The following MMEL1 variants were observed in gnomAD, a reference collection of about 807,000 sequenced individuals.
MMEL1 encodes the protein membrane metalloendopeptidase like 1.
A neutral mutation model predicts 117.1 loss-of-function variants in MMEL1; 98 were observed. The ratio of observed to expected loss-of-function variants is 0.84; its 90% confidence interval spans 0.71 to 0.99. The LOEUF is 0.99. Among genes scored for constraint, MMEL1 ranks in the 50% least tolerant of loss-of-function variants. The pLI, the probability that MMEL1 is intolerant of heterozygous loss-of-function variation, is 0.00. For synonymous variants in MMEL1, 390 were observed against 415.1 expected (o/e 0.94, Z 0.74); for missense variants, 1,014 against 1,049.1 (o/e 0.97, Z 0.46).
chr1:2,624,252 G>C (rs1645335223), intron 2 of MMEL1, among the ~76,000 whole-genome samples: 1 of 152,186 alleles, frequency 6.6e-6, no homozygotes, highest in South Asian at 2.1e-4. Context: ...GAAGGCCAAG[G>C]CTGGAGCAGG....
chr1:2,609,991 C>T (rs899421061), intron 4 of MMEL1, among the ~76,000 whole-genome samples, 160 bp from the exon 5 acceptor site: 2 of 152,176 alleles, frequency 1.3e-5, no homozygotes, highest in African/African-American at 4.8e-5. Flanking sequence ...TAACCACCCT[C>T]TCTGAGCTGC....
chr1:2,631,153 T>A (rs1006809339), intron 1 of MMEL1, among the ~76,000 whole-genome samples: 9 of 152,334 alleles, frequency 5.9e-5, no homozygotes, highest in African/African-American at 1.9e-4. Context: ...CTCGGAGCCC[T>A]GCTGGGAAGT....
rs1199544160 is a variant in MMEL1, at chr1:2,596,051, C to T, written c.1458G>A (p.Leu486=). 1 of 1,613,914 alleles carries T rather than the reference C, an allele frequency of 6.2e-7. No individual in the cohort carries two copies. Among genetic ancestry groups the T allele is most frequent in the Non-Finnish European group, 8.5e-7 (1 of 1,179,960 alleles). Reference sequence around the variant, plus strand: ...TCTTGGACTCCTCGTCCATCCAGCCCAGCTCGTCCAGCGTCTCCACAAACA... The same window carrying T: ...TCTTGGACTCCTCGTCCATCCAGCCTAGCTCGTCCAGCGTCTCCACAAACA... ...RTVFVETLDE[L]GWMDEESKKK... is the part of the protein sequence containing the mutation. Residue 486 remains leucine, a synonymous_variant, in exon 15 of 24, where the codon CTG becomes CTA. Transcript: ENST00000378412.
At chr1:2,606,090 C>T (rs1317332398) in intron 8 of MMEL1, among the ~76,000 whole-genome samples, 158 bp downstream of exon 8, 2 of 152,158 alleles carry the variant, frequency 1.3e-5, no homozygotes, top group Non-Finnish European at 2.9e-5. Context: ...AGCAGCAGCT[C>T]GTTCCCGGGC....
Position 2,604,374 on chromosome 1 carries a change from G to A in MMEL1, c.817-93C>T. 2.6e-6 allele frequency: 4 copies of A among 1,540,938 alleles called. No homozygotes were observed. In the African/African-American group the frequency reaches 4.1e-5, roughly 16 times the overall value. On this transcript the variant is annotated intron_variant, in intron 9 of 23. Coordinates refer to ENST00000378412, the MANE Select transcript of MMEL1 (RefSeq NM_033467.4). Reference sequence around the variant, plus strand: ...GGGGGTGGGGTGGGCGTAGGACATGGGGAAGCCCCTAATGCGTGTCCACCC... The same window carrying A: ...GGGGGTGGGGTGGGCGTAGGACATGAGGAAGCCCCTAATGCGTGTCCACCC...
chr1:2,609,032 A>AACACAC (rs1645081342), intron 6 of MMEL1, among the ~76,000 whole-genome samples: 2 of 127,054 alleles, frequency 1.6e-5, no homozygotes, highest in Non-Finnish European at 3.5e-5. Flanking sequence ...ATATCCATAT[A>AACACAC]ATACACACAC....
At chr1:2,628,895 G>A (rs1331761429) in intron 2 of MMEL1, among the ~76,000 whole-genome samples, 1 of 151,708 alleles carries the variant, frequency 6.6e-6, no homozygotes, top group Non-Finnish European at 1.5e-5. Flanking sequence ...GGGGGAGTGA[G>A]GCAGCCAGGT....
At chr1:2,597,841 C>T (rs1313459807) in intron 13 of MMEL1, among the ~76,000 whole-genome samples, 8 of 152,184 alleles carry the variant, frequency 5.3e-5, no homozygotes, top group African/African-American at 1.7e-4. Flanking sequence ...CTGCTGACCA[C>T]GGGTCCGGCC....
chr1:2,628,729 C>T (rs913710300), intron 2 of MMEL1, among the ~76,000 whole-genome samples: 1 of 151,854 alleles, frequency 6.6e-6, no homozygotes, highest in Non-Finnish European at 1.5e-5. Context: ...GGGAGTGTTC[C>T]CGGGACAGCC....
chr1:2,607,673 T>A (rs553560258), intron 6 of MMEL1, among the ~76,000 whole-genome samples: 7 of 152,230 alleles, frequency 4.6e-5, no homozygotes, highest in African/African-American at 1.7e-4. Flanking sequence ...TGGCACAGCA[T>A]GGCAGGTGCC....
intron 11 of MMEL1, among the ~76,000 whole-genome samples, chr1:2,600,916 A>G (rs570098676): frequency 3.2e-4 from 49 of 152,346 alleles, no homozygotes; most frequent in African/African-American, 9.9e-4. Context: ...ATGTATAAGA[A>G]CTTGACACTG....
In MMEL1 at chr1:2,605,988, G is replaced by A. The variant is rs568343913; in HGVS notation, c.750+260C>T. Among the ~76,000 whole-genome samples, 3 of 152,310 alleles carry A rather than the reference G, an allele frequency of 2.0e-5. No homozygotes were observed. The East Asian group carries it at 5.8e-4, about 29-fold the overall frequency. ...GGTCAGGCCTCCTGCCCCGGTTCCA[G>A]CCCCGCTGTTCAGGAGCCCCCGCCC... On this transcript the variant is annotated intron_variant, in intron 8 of 23. Coordinates refer to ENST00000378412, the MANE Select transcript of MMEL1 (RefSeq NM_033467.4).
intron 11 of MMEL1, among the ~76,000 whole-genome samples, chr1:2,602,766 C>A (rs371548151): frequency 1.3e-5 from 2 of 152,204 alleles, no homozygotes; most frequent in Non-Finnish European, 2.9e-5. Context: ...AGTCCCTGCC[C>A]CAGACTCTTG....
At chr1:2,619,941 A>G (rs1645265827) in intron 2 of MMEL1, among the ~76,000 whole-genome samples, 1 of 152,214 alleles carries the variant, frequency 6.6e-6, no homozygotes, top group Non-Finnish European at 1.5e-5. Flanking sequence ...CAGTGGGAAA[A>G]ATGGAGCAGA....
chr1:2,628,991 C>T (rs1453071308), intron 2 of MMEL1, among the ~76,000 whole-genome samples: 4 of 126,414 alleles, frequency 3.2e-5, no homozygotes, highest in African/African-American at 1.2e-4. Context: ...GGCGGAGGGG[C>T]GGGCGACGGG....
chr1:2,591,623 C>A lies in MMEL1; in HGVS notation c.2174G>T (p.Gly725Val). ...GATGGCGAACTCGGGCCGGTAGGAC[C>A]CGCACCACACCTGTGGGCATGTTGG... ...FFINYAQVWC[G>V]SYRPEFAIQS... The change falls in exon 23 of 24, where the codon GGG becomes GTG. Residue 725 changes from glycine to valine, a missense_variant. By Grantham distance (109) the Gly-to-Val change is moderately radical. Coordinates refer to ENST00000378412, the MANE Select transcript of MMEL1 (RefSeq NM_033467.4). 6.2e-7 allele frequency: 1 copy of A among 1,613,386 alleles called. No homozygotes were observed. The highest frequency in any genetic ancestry group is 8.5e-7 in the Non-Finnish European group (1 of 1,179,842).
At chr1:2,606,819 A>C (rs1645036252) in intron 7 of MMEL1, among the ~76,000 whole-genome samples, 155 bp downstream of exon 7, 1 of 151,756 alleles carries the variant, frequency 6.6e-6, no homozygotes, top group South Asian at 2.1e-4. Context: ...CAGGACCCTG[A>C]GGTTGCCCCG....
At chr1:2,605,724 C>A in intron 8 of MMEL1, 101 bp from the exon 9 acceptor site, 1 of 837,098 alleles carries the variant, frequency 1.2e-6, no homozygotes, top group Non-Finnish European at 1.9e-6. Flanking sequence ...GTGCCCCGTG[C>A]ACACGTGCTC....
At chr1:2,608,623 T>A (rs1360700707) in intron 6 of MMEL1, among the ~76,000 whole-genome samples, 1 of 151,476 alleles carries the variant, frequency 6.6e-6, no homozygotes, top group Admixed American at 6.6e-5. Flanking sequence ...AACACACACA[T>A]ACATGCACAC....
Sources: allele counts gnomAD v4.1 joint callset (sites outside exome capture counted in the v4.1 genomes callset), GRCh38; gene constraint gnomAD v4.1.1; transcripts MANE v1.5; gene names NCBI Gene and HGNC (gene_info 2026-07-23, HGNC 2026-07-21).